Variants in IGF2BP3 observed in about 807,000 individuals in gnomAD.
The protein encoded by IGF2BP3 is insulin-like growth factor 2 mRNA-binding protein 3.
In IGF2BP3, 9 loss-of-function variants were observed where a neutral mutation model predicts 73.8. That is an observed-to-expected ratio of 0.12 (90% CI 0.07 to 0.21). IGF2BP3 has a LOEUF of 0.21. Ranked by LOEUF, IGF2BP3 falls within the 10% of genes least tolerant of loss-of-function variation. IGF2BP3 has a pLI of 1.00. For missense variants in IGF2BP3, 542 were observed against 714.0 expected (o/e 0.76, Z 2.75); for synonymous variants, 258 against 256.7 (o/e 1.01, Z -0.05).
chr7:23,313,781 G>A (rs1206685899), intron 12 of IGF2BP3, 128 bp from the exon 13 acceptor site: 1 of 860,324 alleles, frequency 1.2e-6, no homozygotes, highest in Non-Finnish European at 1.8e-6. Flanking sequence ...TTCATAGATT[G>A]TTGAAAATAA....
intron 5 of IGF2BP3, among the ~76,000 whole-genome samples, chr7:23,355,016 G>C (rs1785055930): frequency 6.6e-6 from 1 of 152,046 alleles, no homozygotes; most frequent in African/African-American, 2.4e-5. Flanking sequence ...TAGGCACAAA[G>C]TTTGTTATTC....
Position 23,312,859 on chromosome 7 carries a change from T to G in IGF2BP3, c.1528-11A>C, listed in dbSNP as rs376575098. The G allele has an allele frequency of 1.6e-5, 25 of 1,566,344 alleles. No homozygotes were observed. In the Middle Eastern group the frequency reaches 8.4e-4, roughly 52 times the overall value. ...CTGAAGTTCATTCACCTGAAAGAGA[T>G]AAATATAAATCACATTAAGTGGCAG... On this transcript the variant is annotated splice_polypyrimidine_tract_variant and intron_variant, in intron 13 of 14. Transcript: ENST00000258729.
intron 3 of IGF2BP3, among the ~76,000 whole-genome samples, chr7:23,373,536 A>T (rs1397567694): frequency 6.6e-6 from 1 of 152,248 alleles, no homozygotes; most frequent in African/African-American, 2.4e-5. Flanking sequence ...TCATAAAAAG[A>T]AAAACAAAGG....
Position 23,310,338 on chromosome 7 carries a change from TTAGC to T in IGF2BP3, c.*2020_*2023del, listed in dbSNP as rs2128489951. The T allele has an allele frequency of 6.6e-6, 1 of 152,340 alleles. No individual in the cohort carries two copies. Among genetic ancestry groups the T allele is most frequent in the East Asian group, 1.9e-4 (1 of 5,186 alleles). The allele number at this position is 152,340 out of a possible 1,614,324, so 9.4% of individuals were successfully genotyped here. A position where few individuals can be genotyped will look rare whatever the true frequency, so the allele number is the denominator to read the frequency against. On this transcript the variant is annotated 3_prime_UTR_variant, in exon 15 of 15. Coordinates refer to ENST00000258729, the MANE Select transcript of IGF2BP3 (RefSeq NM_006547.3). ...CAAAACTCAATTATAGAATTATTTC[TTAGC>T]TAGTACCAGATACTCCAAATTACAA...
chr7:23,348,415 G>A (rs911854432), intron 6 of IGF2BP3, among the ~76,000 whole-genome samples: 1 of 152,142 alleles, frequency 6.6e-6, no homozygotes, highest in East Asian at 1.9e-4. Context: ...AATTAAATAT[G>A]GGCAAGATGA....
At chr7:23,392,560 G>A (rs1446582847) in intron 3 of IGF2BP3, among the ~76,000 whole-genome samples, 1 of 151,082 alleles carries the variant, frequency 6.6e-6, no homozygotes, top group South Asian at 2.1e-4. Flanking sequence ...AACTATTAAT[G>A]ATAGTTAACT....
chr7:23,463,920 A>G (rs916028736), intron 2 of IGF2BP3, among the ~76,000 whole-genome samples: 4 of 152,230 alleles, frequency 2.6e-5, no homozygotes. Context: ...AAGATAACCT[A>G]GTTTATAATT....
At chr7:23,454,922 A>C (rs1016372531) in intron 2 of IGF2BP3, among the ~76,000 whole-genome samples, 4 of 152,236 alleles carry the variant, frequency 2.6e-5, no homozygotes, top group Non-Finnish European at 5.9e-5. Flanking sequence ...GGGCTCAGTC[A>C]ACCTTATTAT....
chr7:23,456,370 T>C (rs1788318063), intron 2 of IGF2BP3, among the ~76,000 whole-genome samples: 1 of 152,196 alleles, frequency 6.6e-6, no homozygotes, highest in Admixed American at 6.5e-5. Flanking sequence ...GCACCTTCTT[T>C]TGGAAGCTAA....
At chr7:23,365,270 T>C (rs911184411) in intron 3 of IGF2BP3, among the ~76,000 whole-genome samples, 1 of 152,220 alleles carries the variant, frequency 6.6e-6, no homozygotes, top group Non-Finnish European at 1.5e-5. Context: ...TAGGAAGTAA[T>C]TGCCAATTTA....
intron 3 of IGF2BP3, among the ~76,000 whole-genome samples, chr7:23,406,475 G>C (rs1332612904): frequency 6.6e-6 from 1 of 152,142 alleles, no homozygotes; most frequent in Non-Finnish European, 1.5e-5. Flanking sequence ...TGTTCCTTCA[G>C]ATGTTCAGAT....
intron 6 of IGF2BP3, 136 bp downstream of exon 6, chr7:23,351,169 T>A: frequency 3.4e-6 from 3 of 870,260 alleles, no homozygotes; most frequent in Non-Finnish European, 5.3e-6. Flanking sequence ...TGCAAGATTT[T>A]TACACATTCC....
intron 6 of IGF2BP3, 48 bp from the exon 7 acceptor site, chr7:23,347,782 A>G (rs1784870462): frequency 1.2e-6 from 2 of 1,611,736 alleles, no homozygotes; most frequent in East Asian, 2.2e-5. Context: ...GTAAGCGTGT[A>G]TTCACAGTGG....
At chr7:23,329,638 A>G (rs548384536) in intron 10 of IGF2BP3, among the ~76,000 whole-genome samples, 4 of 152,328 alleles carry the variant, frequency 2.6e-5, no homozygotes, top group African/African-American at 4.8e-5. Flanking sequence ...TTGTTTTCAC[A>G]TAAGAGTAGT....
intron 2 of IGF2BP3, among the ~76,000 whole-genome samples, chr7:23,434,591 T>G (rs558317560): frequency 3.9e-4 from 59 of 152,212 alleles, no homozygotes; most frequent in Non-Finnish European, 5.0e-4. Context: ...GTTGACAAGT[T>G]TGATCTAAAT....
chr7:23,344,496 A>T (rs558081913), intron 8 of IGF2BP3, among the ~76,000 whole-genome samples: 1 of 152,384 alleles, frequency 6.6e-6, no homozygotes, highest in African/African-American at 2.4e-5. Context: ...AAAACGTTAG[A>T]TAGTGGCAGA....
chr7:23,446,934 G>A (rs1008522991), intron 2 of IGF2BP3, among the ~76,000 whole-genome samples: 21 of 152,130 alleles, frequency 1.4e-4, no homozygotes, highest in African/African-American at 5.1e-4. Context: ...CAGGCACGGT[G>A]GCTCATGCCT....
intron 6 of IGF2BP3, 85 bp from the exon 7 acceptor site, chr7:23,347,819 A>G: frequency 6.5e-7 from 1 of 1,535,570 alleles, no homozygotes; most frequent in South Asian, 1.2e-5. Context: ...ATGCAAAGTC[A>G]TAGGGCTTCA....
intron 10 of IGF2BP3, among the ~76,000 whole-genome samples, chr7:23,335,685 T>C (rs1257360264): frequency 2.0e-5 from 3 of 152,164 alleles, no homozygotes; most frequent in Admixed American, 2.0e-4. Flanking sequence ...TTTGGAGACT[T>C]CTGAGAAGAC....
Sources: allele counts gnomAD v4.1 joint callset (sites outside exome capture counted in the v4.1 genomes callset), GRCh38; gene constraint gnomAD v4.1.1; transcripts MANE v1.5; gene names NCBI Gene and HGNC (gene_info 2026-07-23, HGNC 2026-07-21).